RABGAP1L: variants seen among roughly 807,000 people sequenced by gnomAD.
The protein encoded by RABGAP1L is rab GTPase-activating protein 1-like.
In RABGAP1L, 63 loss-of-function variants were observed where a neutral mutation model predicts 137.7. That is an observed-to-expected ratio of 0.46 (90% confidence interval 0.37 to 0.56). The LOEUF (loss-of-function observed/expected upper bound fraction) is 0.56, where lower values mean the gene tolerates loss of function less well. Among genes scored for constraint, RABGAP1L ranks in the 20% least tolerant of loss-of-function variants. The pLI, the probability that RABGAP1L is intolerant of heterozygous loss-of-function variation, is 0.00. For synonymous variants in RABGAP1L, 431 were observed against 433.7 expected (o/e 0.99, Z 0.08); for missense variants, 1,095 against 1,244.0 (o/e 0.88, Z 1.80).
At chr1:174,670,223 T>G (rs1354527082) in intron 14 of RABGAP1L, among the ~76,000 whole-genome samples, 2 of 152,146 alleles carry the variant, frequency 1.3e-5, no homozygotes, top group African/African-American at 4.8e-5. Flanking sequence ...CTAAATGTTT[T>G]TATAGCTACT....
chr1:174,380,182 C>T (rs1305689343), intron 12 of RABGAP1L, among the ~76,000 whole-genome samples: 1 of 151,254 alleles, frequency 6.6e-6, no homozygotes, highest in African/African-American at 2.4e-5. Flanking sequence ...CTGCTGGATT[C>T]GTTTTGCCAG....
chr1:174,308,572 A>C (rs1678520249), intron 11 of RABGAP1L, among the ~76,000 whole-genome samples: 1 of 151,994 alleles, frequency 6.6e-6, no homozygotes, highest in African/African-American at 2.4e-5. Context: ...TCTAATCTCT[A>C]ATTTCATTCT....
chr1:174,240,932 G>A (rs1005875120), intron 4 of RABGAP1L, among the ~76,000 whole-genome samples: 27 of 101,312 alleles, frequency 2.7e-4, no homozygotes, highest in African/African-American at 1.6e-3. Flanking sequence ...ATGTGTATGT[G>A]TGTGTTTGTG....
chr1:174,459,196 A>G (rs1011509123), intron 13 of RABGAP1L, among the ~76,000 whole-genome samples: 2 of 152,190 alleles, frequency 1.3e-5, no homozygotes, highest in Non-Finnish European at 1.5e-5. Flanking sequence ...CCATTTTAAA[A>G]ATCTTGATGA....
intron 18 of RABGAP1L, among the ~76,000 whole-genome samples, chr1:174,764,937 C>T (rs951574571): frequency 6.6e-6 from 1 of 152,228 alleles, no homozygotes; most frequent in African/African-American, 2.4e-5. Context: ...TTTAATCCAG[C>T]CCTTCCATGA....
At chr1:174,858,585 A>T (rs1649708307) in intron 19 of RABGAP1L, among the ~76,000 whole-genome samples, 1 of 152,170 alleles carries the variant, frequency 6.6e-6, no homozygotes, top group Non-Finnish European at 1.5e-5. Flanking sequence ...GACTCAACTG[A>T]GTTCTATGAT....
At chr1:174,216,561 CTT>C (rs1210583973) in intron 1 of RABGAP1L, among the ~76,000 whole-genome samples, 3 of 143,022 alleles carry the variant, frequency 2.1e-5, no homozygotes, top group Non-Finnish European at 3.1e-5. Context: ...TCCCCCTCCC[CTT>C]TTTTTTTTTG....
At chr1:174,929,753 AAAAT>A (rs61539169) in intron 19 of RABGAP1L, among the ~76,000 whole-genome samples, 2,005 of 140,798 alleles carry the variant, frequency 0.014, 30 homozygotes, top group South Asian at 0.039. Context: ...GTCTCTACAA[AAAAT>A]AAATAAATAA....
chr1:174,279,534 C>T (rs1675306814), intron 10 of RABGAP1L, among the ~76,000 whole-genome samples: 2 of 151,996 alleles, frequency 1.3e-5, no homozygotes, highest in African/African-American at 4.8e-5. Context: ...TAAAAGCAGG[C>T]ACCAGTACAG....
chr1:174,797,740 T>G (rs934004568), intron 18 of RABGAP1L, among the ~76,000 whole-genome samples: 4 of 151,368 alleles, frequency 2.6e-5, no homozygotes, highest in Non-Finnish European at 4.4e-5. Context: ...TGTGGGTGTG[T>G]GTGTGTGTTT....
chr1:174,445,975 G>T (rs909046174), intron 13 of RABGAP1L, among the ~76,000 whole-genome samples: 4 of 152,142 alleles, frequency 2.6e-5, no homozygotes, highest in African/African-American at 9.7e-5. Context: ...CATGTGCCTG[G>T]CAACTGTTAC....
At chr1:174,494,776 T>C (rs978039697) in intron 13 of RABGAP1L, among the ~76,000 whole-genome samples, 1 of 152,140 alleles carries the variant, frequency 6.6e-6, no homozygotes, top group Non-Finnish European at 1.5e-5. Flanking sequence ...CCTAGGTTAC[T>C]AGGGGCTGCA....
At chr1:174,230,619 G>GGGA (rs1366019298) in intron 3 of RABGAP1L, among the ~76,000 whole-genome samples, 1 of 152,116 alleles carries the variant, frequency 6.6e-6, no homozygotes, top group Non-Finnish European at 1.5e-5. Flanking sequence ...TAATCTGTGA[G>GGGA]GGAAGCCATC....
intron 13 of RABGAP1L, among the ~76,000 whole-genome samples, chr1:174,519,411 C>T (rs369771663): frequency 4.3e-4 from 66 of 151,938 alleles, no homozygotes; most frequent in African/African-American, 1.4e-3. Context: ...GTAGGCTGGG[C>T]GGCTAGGCCA....
chr1:174,818,556 G>A (rs774779367), intron 19 of RABGAP1L, among the ~76,000 whole-genome samples: 32 of 152,150 alleles, frequency 2.1e-4, no homozygotes, highest in Non-Finnish European at 3.1e-4. Context: ...GGTTAGTATG[G>A]GGAGAGGATG....
chr1:174,360,541 C>T (rs187508465), intron 11 of RABGAP1L, among the ~76,000 whole-genome samples: 284 of 152,164 alleles, frequency 1.9e-3, no homozygotes, highest in South Asian at 3.9e-3. Flanking sequence ...GAGAAACTAA[C>T]GCTTACTTAG....
intron 19 of RABGAP1L, among the ~76,000 whole-genome samples, chr1:174,929,881 T>C (rs1663488593): frequency 6.7e-6 from 1 of 149,542 alleles, no homozygotes; most frequent in Non-Finnish European, 1.5e-5. Flanking sequence ...GATAGGGTCT[T>C]GCTCTGTCTC....
intron 17 of RABGAP1L, among the ~76,000 whole-genome samples, chr1:174,741,201 T>C (rs1388575236): frequency 1.3e-5 from 2 of 152,148 alleles, no homozygotes; most frequent in Non-Finnish European, 2.9e-5. Context: ...TTCTAATATT[T>C]CTATAGTATC....
rs190209212 is a variant in RABGAP1L, at chr1:174,400,716, G to A, written c.1710+6571G>A. 1.3e-3 allele frequency among the ~76,000 whole-genome samples: 193 copies of A among 152,076 alleles called. 1 individual carries two copies. The highest frequency in any genetic ancestry group is 4.4e-3 in the African/African-American group (181 of 41,512). ...TAACCTCTTCTCTTTTTGCCAGGGA[G>A]GAGGTGGCAGCCATTAAGAATTAGT... is the stretch of plus-strand genomic sequence containing the variant. On this transcript the variant is annotated intron_variant, in intron 13 of 25. Transcript: ENST00000681986.
Sources: allele counts gnomAD v4.1 joint callset (sites outside exome capture counted in the v4.1 genomes callset), GRCh38; gene constraint gnomAD v4.1.1; transcripts MANE v1.5; gene names NCBI Gene and HGNC (gene_info 2026-07-23, HGNC 2026-07-21).